TBC1D9: variants seen among roughly 807,000 people sequenced by gnomAD.
TBC1D9 encodes the protein TBC1 domain family member 9A.
Under a neutral mutation model 132.0 loss-of-function variants are expected in TBC1D9, and 63 were observed. The ratio of observed to expected loss-of-function variants is 0.48; its 90% confidence interval spans 0.39 to 0.59. The LOEUF (loss-of-function observed/expected upper bound fraction) is 0.59, where lower values mean the gene tolerates loss of function less well. Ranked by LOEUF, TBC1D9 falls within the 20% of genes least tolerant of loss-of-function variation. The pLI, the probability that TBC1D9 is intolerant of heterozygous loss-of-function variation, is 0.00. For missense variants in TBC1D9, 1,261 were observed against 1,592.7 expected (o/e 0.79, Z 3.54); for synonymous variants, 610 against 609.9 (o/e 1.00, Z 0.00).
chr4:140,754,103 C>T (rs762704002), intron 1 of TBC1D9, among the ~76,000 whole-genome samples: 3 of 152,034 alleles, frequency 2.0e-5, no homozygotes, highest in Non-Finnish European at 2.9e-5. Context: ...TCAAGTGGAC[C>T]GTAGTCAGTT....
intron 1 of TBC1D9, among the ~76,000 whole-genome samples, chr4:140,702,941 C>T (rs1738095058): frequency 1.3e-5 from 2 of 152,110 alleles, no homozygotes; most frequent in South Asian, 4.1e-4. Context: ...CCAAAAATCT[C>T]CCTTTTCTCA....
At chr4:140,627,551 T>A (rs1451457694) in intron 17 of TBC1D9, 24 bp from the exon 18 acceptor site, 2 of 1,431,582 alleles carry the variant, frequency 1.4e-6, no homozygotes, top group East Asian at 4.6e-5. Flanking sequence ...GAAACATAGT[T>A]CTCATATTGG....
chr4:140,625,178 T>C (rs936866882), intron 18 of TBC1D9, among the ~76,000 whole-genome samples: 14 of 152,222 alleles, frequency 9.2e-5, no homozygotes, highest in Non-Finnish European at 2.1e-4. Flanking sequence ...TTTGCATATA[T>C]GAGACAGATT....
intron 1 of TBC1D9, among the ~76,000 whole-genome samples, chr4:140,717,564 C>A (rs1371955107): frequency 6.6e-6 from 1 of 152,140 alleles, no homozygotes; most frequent in Non-Finnish European, 1.5e-5. Context: ...GTACAATAAA[C>A]CTTCACTTTC....
intron 2 of TBC1D9, among the ~76,000 whole-genome samples, chr4:140,701,107 T>G (rs1041505548): frequency 6.6e-6 from 1 of 152,208 alleles, no homozygotes; most frequent in African/African-American, 2.4e-5. Flanking sequence ...TCCTCTGCAG[T>G]GAGGTTGGGC....
At chr4:140,644,908 G>A in intron 13 of TBC1D9, 1 of 445,666 alleles carries the variant, frequency 2.2e-6, no homozygotes, top group South Asian at 1.7e-5. Flanking sequence ...GGAGCCCCCA[G>A]GCTGGGTGGG....
At chr4:140,628,387 A>C in intron 16 of TBC1D9, 22 bp from the exon 17 acceptor site, 1 of 1,604,862 alleles carries the variant, frequency 6.2e-7, no homozygotes, top group Non-Finnish European at 8.5e-7. Flanking sequence ...ATAAGTACCA[A>C]TGTGAAATGC....
intron 18 of TBC1D9, among the ~76,000 whole-genome samples, chr4:140,625,263 GA>G (rs200608255): frequency 5.3e-5 from 8 of 151,706 alleles, no homozygotes; most frequent in Admixed American, 1.3e-4. Context: ...GCAGAAGAGA[GA>G]AAATTTTTTT....
intron 7 of TBC1D9, 71 bp from the exon 8 acceptor site, chr4:140,669,875 G>C (rs572507906): frequency 1.4e-6 from 2 of 1,408,078 alleles, no homozygotes; most frequent in South Asian, 2.6e-5. Flanking sequence ...AGTGTCTTCT[G>C]TATGGTTATC....
chr4:140,698,225 G>A (rs1167379196), intron 2 of TBC1D9, among the ~76,000 whole-genome samples: 2 of 152,136 alleles, frequency 1.3e-5, no homozygotes, highest in African/African-American at 2.4e-5. Context: ...CTGGAACACT[G>A]TCTTCCAGGA....
chr4:140,672,597 CG>C (rs1415447735), intron 6 of TBC1D9, among the ~76,000 whole-genome samples: 1 of 152,124 alleles, frequency 6.6e-6, no homozygotes, highest in Non-Finnish European at 1.5e-5. Flanking sequence ...AAAATTCCTT[CG>C]TCTAGCTGGA....
intron 9 of TBC1D9, among the ~76,000 whole-genome samples, chr4:140,664,447 C>A (rs142376091): frequency 1.1e-4 from 16 of 152,258 alleles, no homozygotes; most frequent in Admixed American, 7.8e-4. Flanking sequence ...CAATACCTAT[C>A]AAAATCCCAT....
At chr4:140,628,854 A>C (rs1166805535) in intron 16 of TBC1D9, among the ~76,000 whole-genome samples, 1 of 152,160 alleles carries the variant, frequency 6.6e-6, no homozygotes, top group Non-Finnish European at 1.5e-5. Flanking sequence ...AATCCTTTTT[A>C]ATTGTTTTTG....
chr4:140,633,424 G>A (rs1736828899), intron 16 of TBC1D9, among the ~76,000 whole-genome samples: 1 of 152,148 alleles, frequency 6.6e-6, no homozygotes, highest in African/African-American at 2.4e-5. Flanking sequence ...TGAGGTGTGG[G>A]GTGAGGCTGG....
chr4:140,739,205 G>A (rs1483724691), intron 1 of TBC1D9, among the ~76,000 whole-genome samples: 1 of 151,968 alleles, frequency 6.6e-6, no homozygotes, highest in Non-Finnish European at 1.5e-5. Flanking sequence ...TGGTCAGGCT[G>A]GTCTCAAACT....
In TBC1D9 at chr4:140,657,709, C is replaced by A. The variant is rs377545117; in HGVS notation, c.2025G>T (p.Leu675=). ...QDLGVISTIS[L]SWFLTLFLSV... is the part of the protein sequence containing the mutation. The stretch of plus-strand genomic sequence containing the variant: ...TGAGAAATAGTGTGAGGAACCAAGA[C>A]AGGGAGATGGTGGAAATCACGCCCA... The change falls in exon 12 of 21, where the codon CTG becomes CTT. Residue 675 remains leucine (L), a synonymous_variant. Coordinates refer to ENST00000442267, the MANE Select transcript of TBC1D9 (RefSeq NM_015130.3). 4 of 1,613,888 alleles carry A rather than the reference C, an allele frequency of 2.5e-6. No individual in the cohort carries two copies. Among genetic ancestry groups the A allele is most frequent in the Non-Finnish European group, 3.4e-6 (4 of 1,179,902 alleles).
chr4:140,700,348 G>A (rs973682342), intron 2 of TBC1D9, among the ~76,000 whole-genome samples: 2 of 151,586 alleles, frequency 1.3e-5, no homozygotes, highest in Non-Finnish European at 2.9e-5. Flanking sequence ...TACTTGGGAG[G>A]CTGAAGCAGG....
intron 18 of TBC1D9, among the ~76,000 whole-genome samples, 193 bp from the exon 19 acceptor site, chr4:140,624,581 T>G (rs1736677309): frequency 6.6e-6 from 1 of 152,098 alleles, no homozygotes. Context: ...CAACAATTTT[T>G]GGGGGGGATA....
chr4:140,626,988 A>G (rs1181701518), intron 18 of TBC1D9, among the ~76,000 whole-genome samples: 2 of 152,258 alleles, frequency 1.3e-5, no homozygotes, highest in Admixed American at 1.3e-4. Flanking sequence ...TTAAAAATGT[A>G]AAAAACCATT....
Sources: allele counts gnomAD v4.1 joint callset (sites outside exome capture counted in the v4.1 genomes callset), GRCh38; gene constraint gnomAD v4.1.1; transcripts MANE v1.5; gene names NCBI Gene and HGNC (gene_info 2026-07-23, HGNC 2026-07-21).